The following SPEF2 variants were observed in gnomAD, a reference collection of about 807,000 sequenced individuals.
The protein encoded by SPEF2 is sperm flagellar and cilia associated 2.
SPEF2 carries 187 observed loss-of-function variants against 224.6 expected under a neutral mutation model. That is an observed-to-expected ratio of 0.83 (90% CI 0.74 to 0.94). The LOEUF (loss-of-function observed/expected upper bound fraction) is 0.94. Among genes scored for constraint, SPEF2 ranks in the 40% least tolerant of loss-of-function variants. The pLI, the probability that SPEF2 is intolerant of heterozygous loss-of-function variation, is 0.00. For synonymous variants in SPEF2, 715 were observed against 707.3 expected (o/e 1.01, Z -0.17); for missense variants, 2,170 against 2,135.6 (o/e 1.02, Z -0.32).
chr5:35,661,277 T>G (rs1163467666), intron 8 of SPEF2, among the ~76,000 whole-genome samples: 9 of 101,958 alleles, frequency 8.8e-5, no homozygotes, highest in African/African-American at 4.3e-4. Flanking sequence ...TATATATATA[T>G]ATATATATAT....
chr5:35,675,409 G>A (rs560365683), intron 10 of SPEF2, among the ~76,000 whole-genome samples: 4 of 152,078 alleles, frequency 2.6e-5, no homozygotes, highest in South Asian at 2.1e-4. Flanking sequence ...CATTTCATAC[G>A]TGCAATTTCT....
intron 20 of SPEF2, among the ~76,000 whole-genome samples, chr5:35,726,103 C>T (rs77835057): frequency 0.014 from 2,129 of 152,284 alleles, 45 homozygotes; most frequent in African/African-American, 0.049. Flanking sequence ...TATTCACTAA[C>T]GCATAGATAC....
At chr5:35,670,888 A>T in intron 10 of SPEF2, 1 of 985,300 alleles carries the variant, frequency 1.0e-6, no homozygotes, top group Non-Finnish European at 1.2e-6. Flanking sequence ...TACTTCATTT[A>T]AAATAACATG....
chr5:35,687,136 A>G (rs559759504), intron 10 of SPEF2, among the ~76,000 whole-genome samples: 2 of 152,186 alleles, frequency 1.3e-5, no homozygotes, highest in African/African-American at 2.4e-5. Flanking sequence ...TCTGGTGTCA[A>G]TTTATTTTTA....
chr5:35,644,823 A>T (rs1298725096), intron 4 of SPEF2, among the ~76,000 whole-genome samples: 2 of 152,140 alleles, frequency 1.3e-5, no homozygotes, highest in Non-Finnish European at 2.9e-5. Context: ...TGCTTTAGTG[A>T]TGGAGGGTTG....
intron 17 of SPEF2, among the ~76,000 whole-genome samples, chr5:35,705,390 A>C (rs1458339431): frequency 1.3e-5 from 2 of 152,038 alleles, no homozygotes; most frequent in Non-Finnish European, 2.9e-5. Flanking sequence ...TTAGATTTTC[A>C]CTTAGAGACC....
intron 15 of SPEF2, chr5:35,698,110 C>A: frequency 2.3e-5 from 4 of 173,138 alleles, no homozygotes; most frequent in Non-Finnish European, 3.7e-5. Flanking sequence ...TCACAGACCA[C>A]GGGGAAAAAA....
chr5:35,639,518 G>A (rs957309851), intron 2 of SPEF2, among the ~76,000 whole-genome samples: 3 of 152,036 alleles, frequency 2.0e-5, no homozygotes, highest in South Asian at 2.1e-4. Flanking sequence ...AGTTTAAAAT[G>A]TAAACTGGAA....
intron 10 of SPEF2, chr5:35,675,529 CTTTT>C (rs10709245): frequency 1.5e-4 from 20 of 135,196 alleles, no homozygotes; most frequent in South Asian, 4.6e-4. Context: ...GTTAGGATTC[CTTTT>C]TTTTTTTTTT....
chr5:35,667,575 A>G (rs529526971), intron 9 of SPEF2, among the ~76,000 whole-genome samples: 1 of 152,316 alleles, frequency 6.6e-6, no homozygotes, highest in East Asian at 1.9e-4. Flanking sequence ...CTAGGCAACA[A>G]GTTCTTAGAC....
In SPEF2 at chr5:35,727,813, C is replaced by T; in HGVS notation, c.3053C>T (p.Pro1018Leu). ...GSEEWVYVNE[P>L]VPEEMPLFLV... Reference sequence around the variant, plus strand: ...GAAGAATGGGTCTATGTGAATGAACCAGTTCCTGAGGTATGGCCATTTAGA... The same window carrying T: ...GAAGAATGGGTCTATGTGAATGAACTAGTTCCTGAGGTATGGCCATTTAGA... Residue 1018 changes from proline (P) to leucine (L), a missense_variant, in exon 21 of 37, where the codon CCA (proline) becomes CTA (leucine). Physicochemically the swap from Pro to Leu is moderately conservative, Grantham distance 98. Transcript: ENST00000356031. 3 of 1,612,370 alleles carry T rather than the reference C, an allele frequency of 1.9e-6. No individual in the cohort carries two copies. Among genetic ancestry groups the T allele is most frequent in the Non-Finnish European group, 2.5e-6 (3 of 1,179,362 alleles).
intron 20 of SPEF2, among the ~76,000 whole-genome samples, chr5:35,713,670 G>GGA (rs1377621281): frequency 4.7e-5 from 7 of 148,818 alleles, no homozygotes; most frequent in African/African-American, 1.7e-4. Context: ...CGGGAGACAC[G>GGA]GAGGCTGCAG....
intron 26 of SPEF2, 89 bp from the exon 27 acceptor site, chr5:35,771,520 T>A: frequency 6.7e-7 from 1 of 1,485,512 alleles, no homozygotes; most frequent in Non-Finnish European, 9.0e-7. Context: ...GGATTAAGGT[T>A]TCAACAGAAT....
At chr5:35,776,195 G>A (rs2149792853) in intron 28 of SPEF2, 62 bp from the exon 29 acceptor site, 1 of 1,514,828 alleles carries the variant, frequency 6.6e-7, no homozygotes, top group Non-Finnish European at 8.9e-7. Flanking sequence ...AAGTGAATCT[G>A]TTCATTAGTA....
intron 27 of SPEF2, 132 bp downstream of exon 27, chr5:35,771,888 C>G: frequency 8.9e-7 from 1 of 1,124,676 alleles, no homozygotes. Context: ...ACTAGAGACC[C>G]GGGCTTCTAT....
At chr5:35,762,731 A>T (rs1751493753) in intron 25 of SPEF2, among the ~76,000 whole-genome samples, 1 of 152,192 alleles carries the variant, frequency 6.6e-6, no homozygotes, top group Non-Finnish European at 1.5e-5. Flanking sequence ...GATTCCAGTC[A>T]CAATAAGCAT....
intron 10 of SPEF2, among the ~76,000 whole-genome samples, chr5:35,688,343 G>A (rs1369723766): frequency 6.6e-6 from 1 of 152,092 alleles, no homozygotes; most frequent in Non-Finnish European, 1.5e-5. Context: ...GCCTTTAATG[G>A]AAAAATGTGT....
intron 23 of SPEF2, among the ~76,000 whole-genome samples, chr5:35,743,025 C>A (rs1747922037): frequency 6.6e-6 from 1 of 150,774 alleles, no homozygotes; most frequent in South Asian, 2.1e-4. Context: ...TTATTTTTTT[C>A]AGAAAGTTAA....
chr5:35,772,943 T>C (rs1753078283), intron 27 of SPEF2, among the ~76,000 whole-genome samples: 1 of 152,156 alleles, frequency 6.6e-6, no homozygotes, highest in African/African-American at 2.4e-5. Context: ...GAACTGAAAA[T>C]AGAGCTATGT....
Sources: gnomAD v4.1 joint callset for allele counts (sites outside exome capture counted in the v4.1 genomes callset) on GRCh38, gnomAD v4.1.1 for gene constraint, MANE v1.5 for transcripts, NCBI Gene and HGNC (gene_info 2026-07-23, HGNC 2026-07-21) for gene names.